The following NEGR1 variants were observed in gnomAD, a reference collection of about 807,000 sequenced individuals.
The protein encoded by NEGR1 is neuronal growth regulator 1.
Under a neutral mutation model 40.9 loss-of-function variants are expected in NEGR1, and 10 were observed. The ratio of observed to expected loss-of-function variants is 0.24; its 90% CI spans 0.15 to 0.42. The LOEUF (loss-of-function observed/expected upper bound fraction) is 0.42, where lower values mean the gene tolerates loss of function less well. NEGR1 is among the 10% of genes least tolerant of loss of function. NEGR1 has a pLI of 1.00. For missense variants in NEGR1, 352 were observed against 438.9 expected (o/e 0.80, Z 1.77); for synonymous variants, 185 against 166.8 (o/e 1.11, Z -0.84).
At position 71,399,409 on chromosome 1, in the gene NEGR1, T is replaced by A. The variant is rs868093811; in HGVS notation, c.*8037A>T. ...GAAATTAATTTATTCCAAATTTTTT[T>A]AAAAATCTGCTTTTCTCCATGTCAG... is the stretch of plus-strand genomic sequence containing the variant. On this transcript the variant is annotated 3_prime_UTR_variant, in exon 7 of 7. Coordinates refer to ENST00000357731, the MANE Select transcript of NEGR1 (RefSeq NM_173808.3). 9.2e-5 allele frequency: 14 copies of A among 152,340 alleles called. No homozygotes were observed. The highest frequency in any genetic ancestry group is 2.9e-4 in the African/African-American group (12 of 41,570). 9.4% of individuals were successfully genotyped at this position (152,340 alleles called of 1,614,324 possible).
At chr1:71,703,677 T>C (rs1046370351) in intron 3 of NEGR1, among the ~76,000 whole-genome samples, 3 of 151,834 alleles carry the variant, frequency 2.0e-5, no homozygotes, top group Non-Finnish European at 4.4e-5. Flanking sequence ...ATTAACAGTG[T>C]ATTAAACACC....
intron 1 of NEGR1, among the ~76,000 whole-genome samples, chr1:72,194,426 A>G (rs940066121): frequency 6.6e-6 from 1 of 152,010 alleles, no homozygotes; most frequent in Non-Finnish European, 1.5e-5. Context: ...TCAGGAAGTA[A>G]CCGCTGTTAG....
At chr1:71,780,157 C>A (rs1401885182) in intron 2 of NEGR1, among the ~76,000 whole-genome samples, 1 of 151,056 alleles carries the variant, frequency 6.6e-6, no homozygotes, top group Non-Finnish European at 1.5e-5. Flanking sequence ...TCCCTCACAT[C>A]CTTTTCTAAA....
chr1:71,442,226 C>CTT, intron 6 of NEGR1, among the ~76,000 whole-genome samples: 1 of 84,970 alleles, frequency 1.2e-5, no homozygotes, highest in Non-Finnish European at 2.2e-5. Flanking sequence ...GGTAGCATTC[C>CTT]TTTTTTTTTT....
intron 1 of NEGR1, among the ~76,000 whole-genome samples, chr1:72,262,465 T>C (rs1283208108): frequency 6.6e-6 from 1 of 152,016 alleles, no homozygotes; most frequent in East Asian, 1.9e-4. Flanking sequence ...GTTGTCTGTT[T>C]TTCCTGTTTC....
intron 2 of NEGR1, among the ~76,000 whole-genome samples, chr1:71,812,729 C>T (rs1658046914): frequency 6.6e-6 from 1 of 152,084 alleles, no homozygotes; most frequent in Non-Finnish European, 1.5e-5. Context: ...CCTTTGCTCA[C>T]TTTTTAATGG....
chr1:71,669,037 A>G (rs1652330372), intron 4 of NEGR1, among the ~76,000 whole-genome samples: 1 of 152,068 alleles, frequency 6.6e-6, no homozygotes, highest in African/African-American at 2.4e-5. Context: ...TACTTATATC[A>G]ATTTATGCTT....
At chr1:72,086,139 T>C (rs952232265) in intron 1 of NEGR1, among the ~76,000 whole-genome samples, 2 of 152,172 alleles carry the variant, frequency 1.3e-5, no homozygotes, top group African/African-American at 4.8e-5. Context: ...ATCAACCATA[T>C]GATATTTATA....
intron 6 of NEGR1, among the ~76,000 whole-genome samples, chr1:71,497,377 C>A (rs1646971232): frequency 6.6e-6 from 1 of 152,014 alleles, no homozygotes. Flanking sequence ...AGCGTTCATT[C>A]TAAATTGCTT....
In NEGR1 at chr1:71,956,369, T is replaced by A. The variant is rs912136174; in HGVS notation, c.177-21058A>T. Among the ~76,000 whole-genome samples, 6 of 152,240 alleles carry A rather than the reference T, an allele frequency of 3.9e-5. No homozygotes were observed. The East Asian group carries it at 7.7e-4, about 20-fold the overall frequency. On this transcript the variant is annotated intron_variant, in intron 1 of 6. Transcript: ENST00000357731. ...TATTCAACTTTATTAGAGGAAATTT[T>A]AAAAAATCATCAAACCAAGAGAACA...
In NEGR1 at chr1:71,885,388, A is replaced by G. The variant is rs543569855; in HGVS notation, c.409+49691T>C. On this transcript the variant is annotated intron_variant, in intron 2 of 6. Coordinates refer to ENST00000357731, the MANE Select transcript of NEGR1 (RefSeq NM_173808.3). ...AGAATGCCAGCTTGCAATTCTCCAG[A>G]AGTCTTGACTCACACAGCAGTGTTT... Among the ~76,000 whole-genome samples, 3 of 152,340 alleles carry G rather than the reference A, an allele frequency of 2.0e-5. No homozygotes were observed. The South Asian group carries it at 6.2e-4, about 32-fold the overall frequency.
chr1:71,821,192 C>G (rs1410143133), intron 2 of NEGR1, among the ~76,000 whole-genome samples: 1 of 151,986 alleles, frequency 6.6e-6, no homozygotes, highest in African/African-American at 2.4e-5. Context: ...CTAAAGAGAT[C>G]TGCACCATCT....
At chr1:71,648,018 C>G (rs1369214302) in intron 4 of NEGR1, among the ~76,000 whole-genome samples, 1 of 152,000 alleles carries the variant, frequency 6.6e-6, no homozygotes, top group Non-Finnish European at 1.5e-5. Context: ...AGGACACTTT[C>G]AATTCCAGTG....
At chr1:71,608,452 ATATTTAC>A (rs1650137918) in intron 5 of NEGR1, among the ~76,000 whole-genome samples, 1 of 150,174 alleles carries the variant, frequency 6.7e-6, no homozygotes, top group African/African-American at 2.4e-5. Flanking sequence ...GCCCTTTTCT[ATATTTAC>A]TATAGGCCAA....
chr1:72,279,317 T>G (rs1470381021), intron 1 of NEGR1, among the ~76,000 whole-genome samples: 1 of 152,144 alleles, frequency 6.6e-6, no homozygotes, highest in Admixed American at 6.6e-5. Context: ...AATGTATCAT[T>G]TGACCTTTAA....
intron 1 of NEGR1, among the ~76,000 whole-genome samples, chr1:72,161,499 T>C (rs954258110): frequency 6.6e-6 from 1 of 152,158 alleles, no homozygotes; most frequent in South Asian, 2.1e-4. Flanking sequence ...AGACCAGAGA[T>C]GCTGTTATAC....
At chr1:72,200,184 A>T (rs1653153468) in intron 1 of NEGR1, among the ~76,000 whole-genome samples, 1 of 152,020 alleles carries the variant, frequency 6.6e-6, no homozygotes, top group Non-Finnish European at 1.5e-5. Context: ...TATGCAAAGG[A>T]AAATAAATTG....
At chr1:71,979,218 T>A (rs1646333931) in intron 1 of NEGR1, among the ~76,000 whole-genome samples, 1 of 151,508 alleles carries the variant, frequency 6.6e-6, no homozygotes, top group East Asian at 1.9e-4. Context: ...AGGTAAAGGG[T>A]GGGAGGAAGG....
At chr1:72,030,791 G>A (rs893953905) in intron 1 of NEGR1, among the ~76,000 whole-genome samples, 1 of 152,070 alleles carries the variant, frequency 6.6e-6, no homozygotes. Context: ...TGGAAAAGAT[G>A]ACAGAAATAT....
Sources: allele counts gnomAD v4.1 joint callset (sites outside exome capture counted in the v4.1 genomes callset), GRCh38; gene constraint gnomAD v4.1.1; transcripts MANE v1.5; gene names NCBI Gene and HGNC (gene_info 2026-07-23, HGNC 2026-07-21).